Variants in DCC observed in about 807,000 individuals in gnomAD.
DCC encodes netrin receptor DCC.
A neutral mutation model predicts 172.5 loss-of-function variants in DCC; 58 were observed. The observed-to-expected ratio is 0.34, with a 90% CI of 0.27 to 0.42. DCC has a LOEUF of 0.42. DCC is among the 10% of genes least tolerant of loss of function. The pLI, the probability that DCC is intolerant of heterozygous loss-of-function variation, is 1.00. For missense variants in DCC, 1,740 were observed against 1,791.0 expected (o/e 0.97, Z 0.51); for synonymous variants, 709 against 644.5 (o/e 1.10, Z -1.52).
chr18:52,948,727 C>T (rs982032554), intron 5 of DCC, among the ~76,000 whole-genome samples: 9 of 152,218 alleles, frequency 5.9e-5, no homozygotes, highest in Non-Finnish European at 1.3e-4. Context: ...CCCTTCTCAT[C>T]ACACTAATAA....
intron 5 of DCC, among the ~76,000 whole-genome samples, chr18:52,994,870 A>G (rs1319324547): frequency 6.6e-6 from 1 of 152,158 alleles, no homozygotes; most frequent in South Asian, 2.1e-4. Context: ...GGTTAAAGAC[A>G]TCTTGAGATT....
intron 9 of DCC, among the ~76,000 whole-genome samples, chr18:53,189,296 G>C (rs1030775951): frequency 6.6e-6 from 1 of 151,994 alleles, no homozygotes; most frequent in Non-Finnish European, 1.5e-5. Flanking sequence ...ATTAGTGTCT[G>C]GAAGAAAAAC....
chr18:53,283,015 G>T, intron 12 of DCC, among the ~76,000 whole-genome samples: 1 of 152,080 alleles, frequency 6.6e-6, no homozygotes, highest in Non-Finnish European at 1.5e-5. Context: ...ATGAGCAAAA[G>T]AATAAAAGGA....
chr18:52,780,276 C>A (rs1351439434), intron 2 of DCC, among the ~76,000 whole-genome samples: 3 of 152,118 alleles, frequency 2.0e-5, no homozygotes, highest in Non-Finnish European at 4.4e-5. Context: ...CTGTGCAATT[C>A]TAATACCTTA....
chr18:52,709,968 G>A (rs569536494), intron 1 of DCC, among the ~76,000 whole-genome samples: 2 of 152,172 alleles, frequency 1.3e-5, no homozygotes, highest in African/African-American at 4.8e-5. Flanking sequence ...CTGAGAATGT[G>A]GAGGAATAGG....
In DCC at chr18:53,505,718, A is replaced by ATAGAAGACATAATTC. The variant is rs1555680421; in HGVS notation, c.4111+6209_4111+6223dup. ...TCTATTTTCAGAACTTTGTAACCTA[A>ATAGAAGACATAATTC]TAGAAGACATAATTCGAAACATGTA... On this transcript the variant is annotated intron_variant, in intron 27 of 28. Coordinates refer to ENST00000442544, the MANE Select transcript of DCC (RefSeq NM_005215.4). 1.2e-4 allele frequency among the ~76,000 whole-genome samples: 19 copies of ATAGAAGACATAATTC among 152,334 alleles called. No individual in the cohort carries two copies. The South Asian group carries it at 3.7e-3, about 30-fold the overall frequency.
intron 20 of DCC, among the ~76,000 whole-genome samples, chr18:53,414,003 C>T (rs187041066): frequency 2.6e-5 from 4 of 152,222 alleles, no homozygotes; most frequent in African/African-American, 9.6e-5. Flanking sequence ...CTGTCAAAAG[C>T]ATCTTTATCA....
intron 1 of DCC, among the ~76,000 whole-genome samples, chr18:52,649,551 A>C (rs1447380927): frequency 1.3e-5 from 2 of 151,974 alleles, no homozygotes; most frequent in Non-Finnish European, 2.9e-5. Context: ...CCCATTAGGT[A>C]ATTTCTTATA....
chr18:53,012,088 T>C (rs755900743), intron 5 of DCC, among the ~76,000 whole-genome samples: 17 of 151,872 alleles, frequency 1.1e-4, no homozygotes, highest in Admixed American at 2.6e-4. Context: ...ACGTATATTA[T>C]TGGTGGAATG....
intron 1 of DCC, among the ~76,000 whole-genome samples, chr18:52,710,206 A>G (rs1402876729): frequency 6.6e-6 from 1 of 152,260 alleles, no homozygotes; most frequent in African/African-American, 2.4e-5. Context: ...CCATATGGAA[A>G]TGGCTGATTA....
intron 15 of DCC, among the ~76,000 whole-genome samples, chr18:53,379,018 T>C (rs2144976183): frequency 6.6e-6 from 1 of 152,382 alleles, no homozygotes. Context: ...TTGCTCATCC[T>C]TTTAAGAGAC....
chr18:53,022,528 T>TA lies in DCC; in HGVS notation c.986-40777_986-40776insA, dbSNP rs1599036871. On this transcript the variant is annotated intron_variant, in intron 5 of 28. Transcript: ENST00000442544. Reference sequence around the variant, plus strand: ...ACATACATATATATGTTCAGTATTTTTTATATATATATGTGCGTGTGTGTG... The same window carrying TA: ...ACATACATATATATGTTCAGTATTTTATTATATATATATGTGCGTGTGTGTG... 6.9e-5 allele frequency among the ~76,000 whole-genome samples: 9 copies of TA among 131,036 alleles called. No individual in the cohort carries two copies. In the East Asian group the frequency reaches 1.8e-3, roughly 26 times the overall value. 86.0% of individuals were successfully genotyped at this position (131,036 alleles called of 152,430 possible). A position where few individuals can be genotyped will look rare whatever the true frequency, so the allele number is the denominator to read the frequency against.
At chr18:52,636,679 G>A (rs932355359) in intron 1 of DCC, among the ~76,000 whole-genome samples, 2 of 152,044 alleles carry the variant, frequency 1.3e-5, no homozygotes, top group African/African-American at 4.8e-5. Flanking sequence ...CCACCCCAGA[G>A]AGTCTGAACT....
intron 1 of DCC, among the ~76,000 whole-genome samples, chr18:52,580,088 G>A (rs1295665350): frequency 1.3e-5 from 2 of 152,150 alleles, no homozygotes; most frequent in African/African-American, 4.8e-5. Flanking sequence ...GATAAATCAC[G>A]ACCCGCACTC....
chr18:53,248,697 G>A (rs574938126), intron 12 of DCC, among the ~76,000 whole-genome samples: 10 of 151,918 alleles, frequency 6.6e-5, no homozygotes, highest in Admixed American at 2.6e-4. Flanking sequence ...TTTCAATAAA[G>A]TTGCTAATAT....
intron 7 of DCC, among the ~76,000 whole-genome samples, chr18:53,083,503 T>C (rs1195459001): frequency 1.3e-5 from 2 of 152,166 alleles, no homozygotes; most frequent in African/African-American, 4.8e-5. Context: ...TTTGTTAGAT[T>C]CATCTAAGGA....
intron 2 of DCC, among the ~76,000 whole-genome samples, chr18:52,848,201 C>G (rs1446287896): frequency 2.0e-5 from 3 of 151,630 alleles, no homozygotes; most frequent in Non-Finnish European, 4.4e-5. Context: ...TTCTCCTGCC[C>G]CAGCCTCCGG....
At chr18:52,610,367 G>C (rs551863403) in intron 1 of DCC, among the ~76,000 whole-genome samples, 3 of 97,166 alleles carry the variant, frequency 3.1e-5, no homozygotes, top group Non-Finnish European at 5.5e-5. Context: ...GTGAGAGAGC[G>C]AGACTCTGTC....
At chr18:52,581,812 T>G (rs2144778755) in intron 1 of DCC, among the ~76,000 whole-genome samples, 1 of 152,268 alleles carries the variant, frequency 6.6e-6, no homozygotes, top group African/African-American at 2.4e-5. Flanking sequence ...TCAAACTGTC[T>G]TTGGAAGTTG....
Sources: allele counts gnomAD v4.1 joint callset (sites outside exome capture counted in the v4.1 genomes callset), GRCh38; gene constraint gnomAD v4.1.1; transcripts MANE v1.5; gene names NCBI Gene and HGNC (gene_info 2026-07-23, HGNC 2026-07-21).